Variants in SYNM observed in about 807,000 individuals in gnomAD.
SYNM encodes the protein desmuslin.
A neutral mutation model predicts 104.0 loss-of-function variants in SYNM; 95 were observed. That is an observed-to-expected ratio of 0.91 (90% CI 0.77 to 1.08). The LOEUF (loss-of-function observed/expected upper bound fraction) is 1.08, where lower values mean the gene tolerates loss of function less well. SYNM is among the 50% of genes least tolerant of loss of function. The probability of loss-of-function intolerance (pLI) is 0.00; values close to 1 mark genes in which losing one functional copy is unlikely to be tolerated. For synonymous variants in SYNM, 918 were observed against 869.0 expected, an observed-to-expected ratio of 1.06 and a Z score of -0.99; for missense variants, 2,150 against 2,052.2, an observed-to-expected ratio of 1.05 and a Z score of -0.92.
intron 2 of SYNM, among the ~76,000 whole-genome samples, chr15:99,120,597 G>T (rs1376823810): frequency 6.6e-6 from 1 of 152,214 alleles, no homozygotes; most frequent in East Asian, 1.9e-4. Context: ...GTGGGGGCCT[G>T]CAAAGACACT....
Position 99,133,365 on chromosome 15 carries a change from G to A in SYNM, c.*307G>A, listed in dbSNP as rs2067533587. The A allele has an allele frequency of 2.9e-6, 1 of 344,498 alleles. No individual in the cohort carries two copies. Among genetic ancestry groups the A allele is most frequent in the Admixed American group, 4.6e-5 (1 of 21,786 alleles). The allele number at this position is 344,498 out of a possible 1,614,324, so 21.3% of individuals were successfully genotyped here. ...TGTTTTGCACCTGGTCACAGACATG[G>A]CTTGCATCTGTTTGAAACTACAATT... On this transcript the variant is annotated 3_prime_UTR_variant, in exon 4 of 4. Coordinates refer to ENST00000336292, the MANE Select transcript of SYNM (RefSeq NM_145728.3).
Position 99,116,921 on chromosome 15 carries a change from C to T in SYNM, c.935+3206C>T, listed in dbSNP as rs923926055. Among the ~76,000 whole-genome samples, 8 of 143,754 alleles carry T rather than the reference C, an allele frequency of 5.6e-5. 1 individual carries two copies. Among genetic ancestry groups the T allele is most frequent in the African/African-American group, 7.4e-5 (3 of 40,290 alleles). 94.3% of individuals were successfully genotyped at this position (143,754 alleles called of 152,430 possible). ...TGAACTCCTGACCTTGTGATCCACC[C>T]GCCTCAGCCTCTCAAAGTGCTGGGA... On this transcript the variant is annotated intron_variant, in intron 2 of 3. Transcript: ENST00000336292.
intron 2 of SYNM, among the ~76,000 whole-genome samples, chr15:99,121,640 A>G (rs1401186646): frequency 3.3e-5 from 5 of 152,232 alleles, no homozygotes; most frequent in Admixed American, 1.3e-4. Flanking sequence ...CCTGGTCCAG[A>G]TCCTACAGAG....
rs369923463 is a variant in SYNM, at chr15:99,131,538, G to A, written c.3178G>A (p.Ala1060Thr). 4 of 1,608,322 alleles carry A rather than the reference G, an allele frequency of 2.5e-6. No homozygotes were observed. Among genetic ancestry groups the A allele is most frequent in the Non-Finnish European group, 3.4e-6 (4 of 1,179,722 alleles). ...PDEEGGAEAP[A>T]AGIRFRRWAT... ...TGAGGAAGGTGGAGCGGAGGCCCCG[G>A]CTGCTGGCATTCGCTTTAGGCGTTG... is the stretch of plus-strand genomic sequence containing the variant. Residue 1060 changes from alanine (A) to threonine (T), a missense_variant, in exon 4 of 4, where the codon GCT becomes ACT. Ala to Thr is a moderately conservative substitution (Grantham distance 58). Coordinates refer to ENST00000336292, the MANE Select transcript of SYNM (RefSeq NM_145728.3). The surrounding 1 kb of genome is among the most constrained non-coding windows in gnomAD (Gnocchi z 4.3).
intron 3 of SYNM, 104 bp from the exon 4 acceptor site, chr15:99,129,263 A>G (rs2067474649): frequency 6.9e-7 from 1 of 1,452,744 alleles, no homozygotes; most frequent in Non-Finnish European, 9.2e-7. Context: ...GTAACAGTGT[A>G]TATTTATTAT....
rs1159843116 is a variant in SYNM, at chr15:99,132,437, C to T, written c.4077C>T (p.Thr1359=). The change falls in exon 4 of 4, where the codon ACC becomes ACT. Residue 1359 remains threonine, a synonymous_variant. Coordinates refer to ENST00000336292, the MANE Select transcript of SYNM (RefSeq NM_145728.3). ...ADVHQATHSH[T]SGRQTVMTEK... ...TGCACCAGGCCACTCACAGTCATAC[C>T]TCGGGTAGACAAACCGTTATGACTG... 2.5e-6 allele frequency: 4 copies of T among 1,614,026 alleles called. No homozygotes were observed. Among genetic ancestry groups the T allele is most frequent in the Non-Finnish European group, 3.4e-6 (4 of 1,179,904 alleles).
At chr15:99,112,627 A>T (rs2067309159) in intron 1 of SYNM, among the ~76,000 whole-genome samples, 1 of 152,230 alleles carries the variant, frequency 6.6e-6, no homozygotes, top group Non-Finnish European at 1.5e-5. Flanking sequence ...GGACCCGGCC[A>T]GGGGTGAGGG....
chr15:99,105,315 T>G lies in SYNM; in HGVS notation c.116T>G (p.Leu39Arg). 6.5e-7 allele frequency: 1 copy of G among 1,545,388 alleles called. No individual in the cohort carries two copies. Among genetic ancestry groups the G allele is most frequent in the Non-Finnish European group, 8.7e-7 (1 of 1,146,638 alleles). ...VRELERENLLLEEELRGRRGR... is the reference protein window; with the variant it reads ...VRELERENLLREEELRGRRGR... Reference sequence around the variant, plus strand: ...GAGCTGGAGCGCGAAAACCTACTCCTGGAGGAGGAGCTGCGCGGCCGGCGC... The same window carrying G: ...GAGCTGGAGCGCGAAAACCTACTCCGGGAGGAGGAGCTGCGCGGCCGGCGC... Residue 39 changes from leucine (L) to arginine (R), a missense_variant, in exon 1 of 4, where the codon CTG becomes CGG. Coordinates refer to ENST00000336292, the MANE Select transcript of SYNM (RefSeq NM_145728.3).
chr15:99,138,169 GC>G (rs782518074), downstream of SYNM: 4 of 1,606,400 alleles, frequency 2.5e-6, no homozygotes, highest in African/African-American at 1.3e-5. Context: ...GTGCCCCTCA[GC>G]CCCCCACACC....
intron 3 of SYNM, among the ~76,000 whole-genome samples, chr15:99,127,901 C>CA (rs2067461969): frequency 6.6e-6 from 1 of 152,128 alleles, no homozygotes; most frequent in Admixed American, 6.6e-5. Context: ...CCGAGGAAGA[C>CA]CAACAGTCTA....
intron 2 of SYNM, among the ~76,000 whole-genome samples, chr15:99,120,065 G>A (rs2067385550): frequency 6.6e-6 from 1 of 152,192 alleles, no homozygotes; most frequent in Non-Finnish European, 1.5e-5. Context: ...CACCAAAGAA[G>A]CTTTTTTTCC....
At chr15:99,139,848 A>G, downstream of SYNM, 1 of 924,874 alleles carries the variant, frequency 1.1e-6, no homozygotes, top group Non-Finnish European at 1.5e-6. Context: ...GCAATGTCTT[A>G]GTTATTAGGA....
downstream of SYNM, chr15:99,137,218 GCCT>G (rs1555487394): frequency 2.0e-5 from 3 of 152,296 alleles, no homozygotes; most frequent in African/African-American, 7.2e-5. Flanking sequence ...CACGACTATG[GCCT>G]CCTTCCAGGG....
chr15:99,136,546 G>A (rs2067605360), downstream of SYNM: 1 of 152,196 alleles, frequency 6.6e-6, no homozygotes, highest in South Asian at 2.1e-4. Flanking sequence ...ATGGTGGAGA[G>A]AGAGATCATC....
intron 1 of SYNM, among the ~76,000 whole-genome samples, chr15:99,108,133 C>T (rs1555483042): frequency 6.6e-6 from 1 of 151,984 alleles, no homozygotes; most frequent in African/African-American, 2.4e-5. Flanking sequence ...CACCACCCCG[C>T]CTGGCTAATT....
At chr15:99,108,869 C>CTA (rs1555483127) in intron 1 of SYNM, among the ~76,000 whole-genome samples, 1 of 152,230 alleles carries the variant, frequency 6.6e-6, no homozygotes, top group Non-Finnish European at 1.5e-5. Context: ...GATAATTGCT[C>CTA]TTCCTAAGGG....
At chr15:99,108,099 C>T (rs781784742) in intron 1 of SYNM, among the ~76,000 whole-genome samples, 14 of 151,910 alleles carry the variant, frequency 9.2e-5, no homozygotes, top group South Asian at 2.1e-4. Context: ...CTCAGCCTCC[C>T]GAGTAGCTGG....
rs1239411620 is a variant in SYNM, at chr15:99,115,467, C to CTTTT, written c.935+1753_935+1754insTTTT. Among the ~76,000 whole-genome samples, 337 of 99,038 alleles carry CTTTT rather than the reference C, an allele frequency of 3.4e-3. 7 individuals carry two copies. The highest frequency in any genetic ancestry group is 7.1e-3 in the Middle Eastern group (1 of 140). 65.0% of individuals were successfully genotyped at this position (99,038 alleles called of 152,430 possible). A position where few individuals can be genotyped will look rare whatever the true frequency, so the allele number is the denominator to read the frequency against. On this transcript the variant is annotated intron_variant, in intron 2 of 3. Transcript: ENST00000336292. ...TAATTTTAATTTTATTTATTTTATT[C>CTTTT]TATTTTTTTTTTTTTGAGATGGAGT... is the stretch of plus-strand genomic sequence containing the variant.
At chr15:99,122,881 C>T (rs563505266) in intron 2 of SYNM, among the ~76,000 whole-genome samples, 1 of 152,282 alleles carries the variant, frequency 6.6e-6, no homozygotes, top group South Asian at 2.1e-4. Context: ...AAGGATCGAC[C>T]AGTACCTTTG....
Sources: allele counts gnomAD v4.1 joint callset (sites outside exome capture counted in the v4.1 genomes callset), GRCh38; gene constraint gnomAD v4.1.1; non-coding constraint Gnocchi (gnomAD v3.1); transcripts MANE v1.5; gene names NCBI Gene and HGNC (gene_info 2026-07-23, HGNC 2026-07-21).